Variants in BCL9 observed in about 807,000 individuals in gnomAD.
The protein encoded by BCL9 is B-cell CLL/lymphoma 9 protein.
A neutral mutation model predicts 88.5 loss-of-function variants in BCL9; 25 were observed. That is an observed-to-expected ratio of 0.28 (90% confidence interval 0.21 to 0.39). The LOEUF (loss-of-function observed/expected upper bound fraction) is 0.39. Ranked by LOEUF, BCL9 falls within the 10% of genes least tolerant of loss-of-function variation. BCL9 has a pLI of 1.00. For missense variants in BCL9, 1,817 were observed against 1,877.8 expected, an observed-to-expected ratio of 0.97 and a Z score of 0.60; for synonymous variants, 711 against 673.3, an observed-to-expected ratio of 1.06 and a Z score of -0.87.
intron 4 of BCL9, among the ~76,000 whole-genome samples, 185 bp downstream of exon 4, chr1:147,612,074 TG>T (rs1181553089): frequency 1.3e-5 from 2 of 152,202 alleles, no homozygotes; most frequent in African/African-American, 4.8e-5. Context: ...TCAAAGCTTA[TG>T]TTAGAGTTTT....
rs146473756 is a variant in BCL9 at position 147,622,437 on chromosome 1, G to A, written c.3069G>A (p.Pro1023=). The A allele has an allele frequency of 2.0e-4, 320 of 1,613,888 alleles. No homozygotes were observed. The highest frequency in any genetic ancestry group is 5.2e-4 in the African/African-American group (39 of 74,862). The change falls in exon 9 of 10, where the codon CCG becomes CCA. Residue 1023 remains proline, a synonymous_variant. Coordinates refer to ENST00000234739, the MANE Select transcript of BCL9 (RefSeq NM_004326.4). The part of the protein sequence containing the change: ...MSKFAMPSST[P]LYHDAIKTVA... The stretch of plus-strand genomic sequence containing the variant: ...AGTTTGCAATGCCCAGTTCCACCCC[G>A]TTATACCATGATGCTATCAAGACTG...
At chr1:147,560,468 T>C (rs1043275936) in intron 1 of BCL9, among the ~76,000 whole-genome samples, 1 of 151,732 alleles carries the variant, frequency 6.6e-6, no homozygotes, top group Admixed American at 6.6e-5. Flanking sequence ...CTGGTGCCTG[T>C]AATCCCAGCT....
At chr1:147,621,258 T>C (rs1658623487) in intron 8 of BCL9, among the ~76,000 whole-genome samples, 1 of 150,572 alleles carries the variant, frequency 6.6e-6, no homozygotes, top group African/African-American at 2.4e-5. Context: ...AAAATACGTA[T>C]GTCAGAGAGA....
chr1:147,569,978 T>C (rs781943724), intron 1 of BCL9, among the ~76,000 whole-genome samples: 2 of 152,212 alleles, frequency 1.3e-5, no homozygotes, highest in Non-Finnish European at 2.9e-5. Context: ...AGGAGAAGAT[T>C]AGTTCTATTT....
In BCL9 at chr1:147,612,983, C is replaced by T. The variant is rs1557854647; in HGVS notation, c.154C>T (p.Gln52Ter). 1 of 1,610,238 alleles carries T rather than the reference C, an allele frequency of 6.2e-7. No homozygotes were observed. Among genetic ancestry groups the T allele is most frequent in the East Asian group, 2.2e-5 (1 of 44,866 alleles). The part of the protein sequence containing the change: ...LDSKFSNQGK[Q>*]GGSASQSQPS... ...TTCCAAATTCTCCAATCAGGGTAAA[C>T]AGGGGGGCTCAGCCAGCCAATCCCA... The change falls in exon 5 of 10, where the codon CAG (glutamine) becomes TAG (stop). Residue 52 changes from glutamine to a stop codon, truncating the protein, a stop_gained. Transcript: ENST00000234739. LOFTEE classifies it high-confidence loss of function.
chr1:147,600,199 CGCCGCTGCCGCCGCCGGGGGGAGACGCT>C (rs1353506007), intron 1 of BCL9: 2 of 161,188 alleles, frequency 1.2e-5, no homozygotes, highest in Non-Finnish European at 2.6e-5. Context: ...GCGCCGCCGC[CGCCGCTGCCGCCGCCGGGGGGAGACGCT>C]GCGCCGCCGC....
intron 1 of BCL9, among the ~76,000 whole-genome samples, chr1:147,561,553 A>G (rs1336241187): frequency 6.6e-6 from 1 of 152,208 alleles, no homozygotes; most frequent in East Asian, 1.9e-4. Flanking sequence ...CAGCCCAAAC[A>G]TGAATTTTAG....
rs1570928800 is a variant in BCL9 at position 147,625,106 on chromosome 1, G to A, written c.*147G>A. ...GCTGCTTTGGGGGAGGGGGGAACTC[G>A]AGAATGTATGGATTTACCTGAAAAC... On this transcript the variant is annotated 3_prime_UTR_variant, in exon 10 of 10. Transcript: ENST00000234739. 11 of 888,818 alleles carry A rather than the reference G, an allele frequency of 1.2e-5. No individual in the cohort carries two copies. In the East Asian group the frequency reaches 2.2e-4, roughly 18 times the overall value. 55.1% of individuals were successfully genotyped at this position (888,818 alleles called of 1,614,324 possible).
intron 1 of BCL9, among the ~76,000 whole-genome samples, chr1:147,561,913 T>A (rs926304742): frequency 6.6e-6 from 1 of 152,136 alleles, no homozygotes; most frequent in African/African-American, 2.4e-5. Flanking sequence ...GAAATGTCAA[T>A]TCAGACCCAG....
intron 1 of BCL9, among the ~76,000 whole-genome samples, chr1:147,566,481 C>A (rs983488975): frequency 1.3e-5 from 2 of 151,820 alleles, no homozygotes; most frequent in Admixed American, 1.3e-4. Context: ...CATGGCCAGG[C>A]GCGGTGGCTC....
intron 1 of BCL9, among the ~76,000 whole-genome samples, chr1:147,573,630 T>C (rs1655980901): frequency 6.6e-6 from 1 of 152,206 alleles, no homozygotes; most frequent in Admixed American, 6.5e-5. Flanking sequence ...GTTTGTTTTG[T>C]TTTGTTTTAA....
chr1:147,625,016 C>A lies in BCL9; in HGVS notation c.*57C>A. ...AAGATGAGATTCCAGGTCCTGAGAGCTGCTTTGAGGGAGTTCCAGGAGTAC... is the reference window on the plus strand; with the variant it reads ...AAGATGAGATTCCAGGTCCTGAGAGATGCTTTGAGGGAGTTCCAGGAGTAC... On this transcript the variant is annotated 3_prime_UTR_variant, in exon 10 of 10. Coordinates refer to ENST00000234739, the MANE Select transcript of BCL9 (RefSeq NM_004326.4). 1.3e-6 allele frequency: 2 copies of A among 1,559,748 alleles called. No homozygotes were observed. Among genetic ancestry groups the A allele is most frequent in the East Asian group, 4.5e-5 (2 of 44,086 alleles).
rs1383586884 is a variant in BCL9 at position 147,625,733 on chromosome 1, C to G, written c.*774C>G. On this transcript the variant is annotated 3_prime_UTR_variant, in exon 10 of 10. Coordinates refer to ENST00000234739, the MANE Select transcript of BCL9 (RefSeq NM_004326.4). ...CTTGTTTTCTCTCTCCGATTTTGCTCTGTCTCCTCAGTTAAGTGTTTCCTT... is the reference window on the plus strand; with the variant it reads ...CTTGTTTTCTCTCTCCGATTTTGCTGTGTCTCCTCAGTTAAGTGTTTCCTT... The G allele has an allele frequency of 1.3e-5, 3 of 233,602 alleles. No individual in the cohort carries two copies. Among genetic ancestry groups the G allele is most frequent in the South Asian group, 1.8e-4 (1 of 5,530 alleles). 14.5% of individuals were successfully genotyped at this position (233,602 alleles called of 1,614,324 possible).
chr1:147,570,441 T>C (rs1655826219), intron 1 of BCL9, among the ~76,000 whole-genome samples: 1 of 152,056 alleles, frequency 6.6e-6, no homozygotes, highest in Non-Finnish European at 1.5e-5. Flanking sequence ...TTGAAGCCAT[T>C]TGTGACCTTG....
rs200045051 is a variant in BCL9 at position 147,624,481 on chromosome 1, C to T, written c.3803C>T (p.Pro1268Leu). The T allele has an allele frequency of 1.2e-6, 2 of 1,614,230 alleles. No homozygotes were observed. Among genetic ancestry groups the T allele is most frequent in the African/African-American group, 1.3e-5 (1 of 75,054 alleles). ...PGRKQPQGPG[P>L]GFSHMQGMMG... The stretch of plus-strand genomic sequence containing the variant: ...CGTAAACAGCCCCAGGGTCCTGGAC[C>T]TGGGTTTTCACACATGCAGGGGATG... The change falls in exon 10 of 10, where the codon CCT (proline) becomes CTT (leucine). Residue 1268 changes from proline to leucine, a missense_variant. Transcript: ENST00000234739. This position sits in a 1 kb window ranked among gnomAD's most constrained non-coding sequence, Gnocchi z 4.4.
rs782286134 is a variant in BCL9, at chr1:147,619,704, C to T, written c.1549C>T (p.Pro517Ser). The T allele has an allele frequency of 2.5e-6, 4 of 1,614,006 alleles. No homozygotes were observed. Among genetic ancestry groups the T allele is most frequent in the Admixed American group, 1.7e-5 (1 of 60,022 alleles). ...PRGVVRGPPP[P>S]YQMTPSEGWA... The stretch of plus-strand genomic sequence containing the variant: ...GGGAGTGGTCCGAGGACCCCCCCCT[C>T]CATACCAGATGACCCCTAGTGAAGG... Residue 517 changes from proline to serine, a missense_variant, in exon 8 of 10, where the codon CCA becomes TCA. Transcript: ENST00000234739. The surrounding 1 kb of genome is among the most constrained non-coding windows in gnomAD (Gnocchi z 4.1).
chr1:147,619,058 T>C lies in BCL9; in HGVS notation c.903T>C (p.Asp301=). ...SPASSTPLPP[D]GTGPNSTPNN... is the part of the protein sequence containing the mutation. ...CCAGCTCCACTCCACTGCCCCCAGA[T>C]GGTACTGGGCCCAACTCAACTCCCA... The change falls in exon 8 of 10, where the codon GAT becomes GAC. Residue 301 remains aspartate (D), a synonymous_variant. Transcript: ENST00000234739. This position sits in a 1 kb window ranked among gnomAD's most constrained non-coding sequence, Gnocchi z 4.1. 6.2e-7 allele frequency: 1 copy of C among 1,612,358 alleles called. No individual in the cohort carries two copies. The highest frequency in any genetic ancestry group is 1.1e-5 in the South Asian group (1 of 90,852).
Position 147,619,696 on chromosome 1 carries a change from C to G in BCL9, c.1541C>G (p.Pro514Arg), listed in dbSNP as rs781892615. 16 of 1,613,794 alleles carry G rather than the reference C, an allele frequency of 9.9e-6. No homozygotes were observed. The East Asian group carries it at 3.1e-4, about 31-fold the overall frequency. Reference sequence around the variant, plus strand: ...GGGCCTCGGGGAGTGGTCCGAGGACCCCCCCCTCCATACCAGATGACCCCT... The same window carrying G: ...GGGCCTCGGGGAGTGGTCCGAGGACGCCCCCCTCCATACCAGATGACCCCT... ...QHGPRGVVRG[P>R]PPPYQMTPSE... Residue 514 changes from proline (P) to arginine (R), a missense_variant, in exon 8 of 10, where the codon CCC becomes CGC. Transcript: ENST00000234739. This position sits in a 1 kb window ranked among gnomAD's most constrained non-coding sequence, Gnocchi z 4.1.
chr1:147,614,304 T>G, intron 5 of BCL9, 123 bp from the exon 6 acceptor site: 2 of 887,648 alleles, frequency 2.3e-6, no homozygotes, highest in South Asian at 3.5e-5. Context: ...TAGAAGAGGT[T>G]TCCTCTTAGC....
Sources: gnomAD v4.1 joint callset for allele counts (sites outside exome capture counted in the v4.1 genomes callset) on GRCh38, gnomAD v4.1.1 for gene constraint, Gnocchi (gnomAD v3.1) non-coding constraint, MANE v1.5 for transcripts, NCBI Gene and HGNC (gene_info 2026-07-23, HGNC 2026-07-21) for gene names.